Variants in ADCY8 observed in about 807,000 individuals in gnomAD.
ADCY8 encodes the protein adenylate cyclase 8, also known as adenylate cyclase type 8.
A neutral mutation model predicts 119.7 loss-of-function variants in ADCY8; 51 were observed. That is an observed-to-expected ratio of 0.43 (90% CI 0.34 to 0.54). The LOEUF is 0.54. Ranked by LOEUF, ADCY8 falls within the 20% of genes least tolerant of loss-of-function variation. The pLI, the probability that ADCY8 is intolerant of heterozygous loss-of-function variation, is 0.03. For missense variants in ADCY8, 1,383 were observed against 1,598.8 expected, an observed-to-expected ratio of 0.87 and a Z score of 2.30; for synonymous variants, 665 against 651.0, an observed-to-expected ratio of 1.02 and a Z score of -0.33.
At chr8:130,970,888 T>C (rs1821904360) in intron 2 of ADCY8, among the ~76,000 whole-genome samples, 1 of 152,144 alleles carries the variant, frequency 6.6e-6, no homozygotes. Flanking sequence ...ACCTGGAACA[T>C]GGTGGCAGGG....
At chr8:131,000,316 C>A (rs1283480846) in intron 1 of ADCY8, among the ~76,000 whole-genome samples, 1 of 152,054 alleles carries the variant, frequency 6.6e-6, no homozygotes, top group Non-Finnish European at 1.5e-5. Flanking sequence ...AAATACTGGA[C>A]AAGGCAGGAC....
At chr8:130,969,004 G>A (rs564809319) in intron 2 of ADCY8, among the ~76,000 whole-genome samples, 11 of 152,226 alleles carry the variant, frequency 7.2e-5, no homozygotes, top group South Asian at 4.1e-4. Flanking sequence ...CTATCAAGAC[G>A]CAGAAAACAC....
chr8:131,008,389 C>G lies in ADCY8; in HGVS notation c.961-17847G>C, dbSNP rs117449031. ...TCACCCATGCTATTCTTGGGATAAT[C>G]AGTCAGTTCTCATGAGATCTGATGG... On this transcript the variant is annotated intron_variant, in intron 1 of 17. Transcript: ENST00000286355. Among the ~76,000 whole-genome samples, 999 of 152,246 alleles carry G rather than the reference C, an allele frequency of 6.6e-3. 14 individuals carry two copies. The highest frequency in any genetic ancestry group is 7.3e-3 in the Non-Finnish European group (499 of 68,018).
At chr8:130,833,957 T>C (rs1816912574) in intron 12 of ADCY8, among the ~76,000 whole-genome samples, 1 of 152,076 alleles carries the variant, frequency 6.6e-6, no homozygotes, top group Admixed American at 6.6e-5. Context: ...ACAAGAGAAA[T>C]AAATTCAAGA....
chr8:131,016,511 T>TA (rs1406707352), intron 1 of ADCY8, among the ~76,000 whole-genome samples: 1 of 152,056 alleles, frequency 6.6e-6, no homozygotes, highest in Non-Finnish European at 1.5e-5. Flanking sequence ...CTCTCTCTTT[T>TA]AAAAAATAAA....
chr8:130,916,009 GT>G lies in ADCY8; in HGVS notation c.1482-6144del, dbSNP rs559818795. Among the ~76,000 whole-genome samples the G allele has an allele frequency of 1.5e-3, 226 of 152,298 alleles. 1 individual carries two copies. The highest frequency in any genetic ancestry group is 3.5e-3 in the South Asian group (17 of 4,822). On this transcript the variant is annotated intron_variant, in intron 5 of 17. Coordinates refer to ENST00000286355, the MANE Select transcript of ADCY8 (RefSeq NM_001115.3). ...GTCAACTACGTTCATTGCCCAGGGC[GT>G]TTTGTGCAGCTATGGAATCATCTTC...
At chr8:130,917,826 C>T (rs1287876739) in intron 5 of ADCY8, among the ~76,000 whole-genome samples, 7 of 151,122 alleles carry the variant, frequency 4.6e-5, no homozygotes, top group Admixed American at 4.0e-4. Flanking sequence ...CTTTTATTCC[C>T]GTTAATTTCC....
At position 130,834,611 on chromosome 8, in the gene ADCY8, C is replaced by T. The variant is rs574252798; in HGVS notation, c.2675+1666G>A. ...TATAATAGGGAAAACTGGTAACAAC[C>T]TAAATGTCTCTATTAATAGGTCAAA... On this transcript the variant is annotated intron_variant, in intron 12 of 17. Coordinates refer to ENST00000286355, the MANE Select transcript of ADCY8 (RefSeq NM_001115.3). Among the ~76,000 whole-genome samples the T allele has an allele frequency of 7.2e-5, 11 of 152,192 alleles. No homozygotes were observed. The South Asian group carries it at 2.1e-3, about 29-fold the overall frequency.
chr8:131,031,551 A>G (rs188393649), intron 1 of ADCY8, among the ~76,000 whole-genome samples: 11 of 152,210 alleles, frequency 7.2e-5, no homozygotes, highest in African/African-American at 2.4e-4. Flanking sequence ...TTAATCCCAA[A>G]CGTTACAGTG....
At chr8:130,994,822 T>C (rs545076406) in intron 1 of ADCY8, among the ~76,000 whole-genome samples, 1 of 152,330 alleles carries the variant, frequency 6.6e-6, no homozygotes, top group African/African-American at 2.4e-5. Context: ...AATATTTATC[T>C]GTTCCACCAC....
intron 7 of ADCY8, among the ~76,000 whole-genome samples, chr8:130,890,800 T>C (rs971841624): frequency 6.6e-6 from 1 of 152,182 alleles, no homozygotes; most frequent in Non-Finnish European, 1.5e-5. Flanking sequence ...GTGTTCTCCA[T>C]GAGCCAGTTG....
chr8:130,833,222 T>C (rs912291336), intron 12 of ADCY8, among the ~76,000 whole-genome samples: 3 of 152,338 alleles, frequency 2.0e-5, no homozygotes, highest in East Asian at 3.9e-4. Context: ...AAGTGGACTT[T>C]GGAGTCAAAA....
At chr8:130,861,448 A>T (rs1817925907) in intron 9 of ADCY8, among the ~76,000 whole-genome samples, 1 of 150,544 alleles carries the variant, frequency 6.6e-6, no homozygotes, top group African/African-American at 2.5e-5. Context: ...GTGCTATTGT[A>T]AATAATATTG....
At chr8:130,827,784 G>A (rs927631318) in intron 12 of ADCY8, among the ~76,000 whole-genome samples, 1 of 152,208 alleles carries the variant, frequency 6.6e-6, no homozygotes, top group South Asian at 2.1e-4. Flanking sequence ...ATGGTAAATA[G>A]AGGAGTGGAC....
chr8:131,005,756 T>C (rs547592051), intron 1 of ADCY8, among the ~76,000 whole-genome samples: 41 of 152,290 alleles, frequency 2.7e-4, no homozygotes, highest in African/African-American at 9.6e-4. Context: ...AGAGGAGCTC[T>C]TGTGAGGGCC....
intron 1 of ADCY8, among the ~76,000 whole-genome samples, chr8:131,013,276 C>A (rs1430278411): frequency 2.0e-5 from 3 of 151,990 alleles, no homozygotes; most frequent in Non-Finnish European, 4.4e-5. Flanking sequence ...TAAAACCTGA[C>A]AAATGAAGAG....
Position 130,971,007 on chromosome 8 carries a change from G to A in ADCY8, c.1111-19009C>T, listed in dbSNP as rs768503187. On this transcript the variant is annotated intron_variant, in intron 2 of 17. Coordinates refer to ENST00000286355, the MANE Select transcript of ADCY8 (RefSeq NM_001115.3). The stretch of plus-strand genomic sequence containing the variant: ...GATAATTTTTGTGAAGACTTGGCAC[G>A]TAGAAAGGATTCAATAACATTAGGT... 4.2e-4 allele frequency among the ~76,000 whole-genome samples: 64 copies of A among 152,196 alleles called. 2 individuals are homozygous for A. The highest frequency in any genetic ancestry group is 3.3e-4 in the Admixed American group (5 of 15,272).
chr8:130,923,414 G>A (rs1473987621), intron 5 of ADCY8, among the ~76,000 whole-genome samples: 3 of 152,166 alleles, frequency 2.0e-5, no homozygotes, highest in Non-Finnish European at 4.4e-5. Flanking sequence ...ATATTGCTTG[G>A]CAGGGTGACC....
At chr8:130,830,821 A>C (rs554861636) in intron 12 of ADCY8, among the ~76,000 whole-genome samples, 1 of 152,236 alleles carries the variant, frequency 6.6e-6, no homozygotes, top group Non-Finnish European at 1.5e-5. Flanking sequence ...AATTAAAAAC[A>C]TGCCCACTGA....
Sources: gnomAD v4.1 joint callset for allele counts (sites outside exome capture counted in the v4.1 genomes callset) on GRCh38, gnomAD v4.1.1 for gene constraint, MANE v1.5 for transcripts, NCBI Gene and HGNC (gene_info 2026-07-23, HGNC 2026-07-21) for gene names.